FNDC3B: variants seen among roughly 807,000 people sequenced by gnomAD.
FNDC3B encodes fibronectin type III domain-containing protein 3B.
FNDC3B carries 12 observed loss-of-function variants against 151.5 expected under a neutral mutation model. The observed-to-expected ratio is 0.08, with a 90% CI of 0.05 to 0.13. FNDC3B has a LOEUF of 0.13. Ranked by LOEUF, FNDC3B falls within the 10% of genes least tolerant of loss-of-function variation. The probability of loss-of-function intolerance (pLI) is 1.00; values close to 1 mark genes in which losing one functional copy is unlikely to be tolerated. For missense variants in FNDC3B, 1,214 were observed against 1,505.3 expected, an observed-to-expected ratio of 0.81 and a Z score of 3.20; for synonymous variants, 528 against 549.0, an observed-to-expected ratio of 0.96 and a Z score of 0.54.
intron 3 of FNDC3B, among the ~76,000 whole-genome samples, chr3:172,215,344 G>A (rs1725921482): frequency 6.6e-6 from 1 of 152,214 alleles, no homozygotes; most frequent in Non-Finnish European, 1.5e-5. Flanking sequence ...AGGAAGAGTA[G>A]ACAAGGTTTT....
At chr3:172,284,316 G>A (rs1036813880) in intron 6 of FNDC3B, among the ~76,000 whole-genome samples, 2 of 152,158 alleles carry the variant, frequency 1.3e-5, no homozygotes, top group Non-Finnish European at 2.9e-5. Context: ...AGACCTATGT[G>A]TGGCTCACAA....
At chr3:172,338,878 A>T (rs1401959615) in intron 16 of FNDC3B, among the ~76,000 whole-genome samples, 1 of 152,102 alleles carries the variant, frequency 6.6e-6, no homozygotes, top group Non-Finnish European at 1.5e-5. Context: ...CTGGGACTAC[A>T]GACGCCCACC....
chr3:172,314,305 C>T (rs1437798979), intron 11 of FNDC3B, among the ~76,000 whole-genome samples: 1 of 152,044 alleles, frequency 6.6e-6, no homozygotes, highest in Non-Finnish European at 1.5e-5. Flanking sequence ...GCTGAAGAAA[C>T]AAACTTAGAT....
intron 5 of FNDC3B, among the ~76,000 whole-genome samples, chr3:172,249,041 A>G (rs1253656428): frequency 1.3e-5 from 2 of 152,176 alleles, no homozygotes; most frequent in African/African-American, 2.4e-5. Flanking sequence ...CCAAGAAAAC[A>G]TCAAGTATTG....
At chr3:172,214,653 G>C (rs1560021868) in intron 3 of FNDC3B, among the ~76,000 whole-genome samples, 1 of 151,712 alleles carries the variant, frequency 6.6e-6, no homozygotes, top group African/African-American at 2.4e-5. Flanking sequence ...GGAATATTTG[G>C]TTCATTTTTT....
At chr3:172,130,513 A>T (rs555731357) in intron 2 of FNDC3B, among the ~76,000 whole-genome samples, 1 of 152,028 alleles carries the variant, frequency 6.6e-6, no homozygotes, top group Admixed American at 6.5e-5. Flanking sequence ...TCAGGAATTG[A>T]ACTCAGTAAG....
chr3:172,251,226 C>A (rs1355849378), intron 5 of FNDC3B, 34 bp from the exon 6 acceptor site: 16 of 1,510,828 alleles, frequency 1.1e-5, no homozygotes, highest in Non-Finnish European at 1.4e-5. Flanking sequence ...AAAATGTAAA[C>A]TGAGTTTGGG....
intron 4 of FNDC3B, among the ~76,000 whole-genome samples, chr3:172,227,690 TTCTG>T (rs1034300662): frequency 9.9e-5 from 15 of 152,192 alleles, no homozygotes; most frequent in Admixed American, 3.9e-4. Context: ...CAAACTGTTT[TTCTG>T]TCTTTCTGCC....
chr3:172,091,789 C>T (rs1718840926), intron 1 of FNDC3B, among the ~76,000 whole-genome samples: 1 of 151,384 alleles, frequency 6.6e-6, no homozygotes, highest in African/African-American at 2.4e-5. Context: ...ATTTAGTCAT[C>T]TTGACAAGAG....
intron 4 of FNDC3B, among the ~76,000 whole-genome samples, chr3:172,231,879 G>A (rs1435763390): frequency 9.6e-6 from 1 of 104,502 alleles, no homozygotes; most frequent in Non-Finnish European, 1.8e-5. Flanking sequence ...TTTATTTACC[G>A]TTTTTTTTTT....
chr3:172,100,346 A>C (rs140599659), intron 1 of FNDC3B, among the ~76,000 whole-genome samples: 168 of 152,352 alleles, frequency 1.1e-3, no homozygotes, highest in Non-Finnish European at 2.1e-3. Context: ...AATATAGGCA[A>C]GCACCATGCT....
chr3:172,111,077 CAACAGAGTGAGACTCCATTAAAAAAAAAA>C (rs1719935096), intron 1 of FNDC3B, among the ~76,000 whole-genome samples: 1 of 130,420 alleles, frequency 7.7e-6, no homozygotes, highest in South Asian at 2.3e-4. Flanking sequence ...CCAGCCTGGG[CAACAGAGTGAGACTCCATTAAAAAAAAAA>C]AAAAAAAAAA....
chr3:172,254,696 A>G (rs1176156585), intron 6 of FNDC3B, among the ~76,000 whole-genome samples: 1 of 151,994 alleles, frequency 6.6e-6, no homozygotes, highest in African/African-American at 2.4e-5. Flanking sequence ...CTCCCCTTTC[A>G]TTTACTGTTA....
At chr3:172,358,370 C>T (rs1357479376) in intron 22 of FNDC3B, among the ~76,000 whole-genome samples, 2 of 152,168 alleles carry the variant, frequency 1.3e-5, no homozygotes, top group Non-Finnish European at 2.9e-5. Flanking sequence ...CTCTGTAGTG[C>T]ATTTTCTGGA....
intron 4 of FNDC3B, 121 bp downstream of exon 4, chr3:172,227,068 G>A: frequency 2.9e-6 from 2 of 679,804 alleles, no homozygotes; most frequent in South Asian, 1.8e-5. Flanking sequence ...TGCTAGGTTT[G>A]CCATCATTTT....
intron 3 of FNDC3B, among the ~76,000 whole-genome samples, chr3:172,208,091 T>C (rs1178395529): frequency 2.0e-5 from 2 of 98,530 alleles, no homozygotes; most frequent in Admixed American, 1.0e-4. Context: ...ATAAAGTCCA[T>C]GCTGGACAGC....
chr3:172,318,993 G>T (rs1731951965), intron 11 of FNDC3B, among the ~76,000 whole-genome samples: 1 of 149,388 alleles, frequency 6.7e-6, no homozygotes, highest in Non-Finnish European at 1.5e-5. Flanking sequence ...CTCTTTTAGG[G>T]ACCTCAGTCT....
chr3:172,203,222 C>T (rs2108692839), intron 3 of FNDC3B, among the ~76,000 whole-genome samples: 1 of 152,324 alleles, frequency 6.6e-6, no homozygotes, highest in East Asian at 1.9e-4. Flanking sequence ...GTGGCACTTA[C>T]TCATATTTTT....
At position 172,247,683 on chromosome 3, in the gene FNDC3B, A is replaced by G. The variant is rs764125251; in HGVS notation, c.415A>G (p.Thr139Ala). The G allele has an allele frequency of 1.9e-6, 3 of 1,613,910 alleles. No individual in the cohort carries two copies. Among genetic ancestry groups the G allele is most frequent in the African/African-American group, 1.3e-5 (1 of 74,858 alleles). Residue 139 changes from threonine to alanine, a missense_variant, in exon 5 of 26, where the codon ACG (threonine) becomes GCG (alanine). Thr to Ala is a moderately conservative substitution (Grantham distance 58). This residue lies in a region of FNDC3B where 166 missense variants were observed against 173.2 expected (regional missense o/e 0.96). Coordinates refer to ENST00000415807, the MANE Select transcript of FNDC3B (RefSeq NM_022763.4). ...HHPHFIHNSHTAYYPPVTGPG... is the reference protein window; with the variant it reads ...HHPHFIHNSHAAYYPPVTGPG... Reference sequence around the variant, plus strand: ...TCCACATTTTATTCATAACTCACACACGGCTTACTACCCACCTGTTACCGG... The same window carrying G: ...TCCACATTTTATTCATAACTCACACGCGGCTTACTACCCACCTGTTACCGG...
Sources: gnomAD v4.1 joint callset for allele counts (sites outside exome capture counted in the v4.1 genomes callset) on GRCh38, gnomAD v4.1.1 for gene constraint, gnomAD v4.1.1 regional missense constraint, MANE v1.5 for transcripts, NCBI Gene and HGNC (gene_info 2026-07-23, HGNC 2026-07-21) for gene names.